The following ENPP6 variants were observed in gnomAD, a reference collection of about 807,000 sequenced individuals.
ENPP6 encodes the protein glycerophosphocholine cholinephosphodiesterase ENPP6.
Under a neutral mutation model 42.0 loss-of-function variants are expected in ENPP6, and 32 were observed. The ratio of observed to expected loss-of-function variants is 0.76; its 90% confidence interval spans 0.58 to 1.02. The LOEUF (loss-of-function observed/expected upper bound fraction) is 1.02, where lower values mean the gene tolerates loss of function less well. Ranked by LOEUF, ENPP6 falls within the 50% of genes least tolerant of loss-of-function variation. ENPP6 has a pLI of 0.00. For synonymous variants in ENPP6, 213 were observed against 216.0 expected, an observed-to-expected ratio of 0.99 and a Z score of 0.12; for missense variants, 552 against 566.8, an observed-to-expected ratio of 0.97 and a Z score of 0.27.
chr4:184,146,023 CT>C lies in ENPP6; in HGVS notation c.421+7530del, dbSNP rs70959175. ...TCTGTGATTTTAAGTTTTTCTTTTT[CT>C]TTTTTTTTTTTTTGGTTTAGTTTGT... On this transcript the variant is annotated intron_variant, in intron 2 of 7. Coordinates refer to ENST00000296741, the MANE Select transcript of ENPP6 (RefSeq NM_153343.4). Among the ~76,000 whole-genome samples, 980 of 141,894 alleles carry C rather than the reference CT, an allele frequency of 6.9e-3. 7 individuals carry two copies. Among genetic ancestry groups the C allele is most frequent in the African/African-American group, 0.02 (758 of 38,422 alleles). 93.1% of individuals were successfully genotyped at this position (141,894 alleles called of 152,430 possible).
intron 1 of ENPP6, among the ~76,000 whole-genome samples, chr4:184,164,060 G>A (rs868481786): frequency 1.1e-4 from 16 of 152,208 alleles, no homozygotes; most frequent in Non-Finnish European, 1.8e-4. Context: ...GGCTGTGGGC[G>A]TCCTGTTCGC....
intron 3 of ENPP6, among the ~76,000 whole-genome samples, chr4:184,120,682 A>T (rs1191459354): frequency 6.6e-6 from 1 of 152,226 alleles, no homozygotes; most frequent in African/African-American, 2.4e-5. Context: ...TCAGCCAGGA[A>T]AAAGGGCCGT....
chr4:184,105,498 C>T (rs930651483), intron 6 of ENPP6, among the ~76,000 whole-genome samples: 1 of 152,162 alleles, frequency 6.6e-6, no homozygotes, highest in Non-Finnish European at 1.5e-5. Flanking sequence ...CATGGCTAGA[C>T]TTGAATTCAA....
intron 1 of ENPP6, among the ~76,000 whole-genome samples, chr4:184,190,062 G>A (rs998767033): frequency 5.3e-5 from 8 of 152,286 alleles, no homozygotes; most frequent in Non-Finnish European, 1.0e-4. Flanking sequence ...AAACCACCTG[G>A]AAGCAGGGGT....
Position 184,195,606 on chromosome 4 carries a change from GC to G in ENPP6, c.241+21972del, listed in dbSNP as rs1286592653. On this transcript the variant is annotated intron_variant, in intron 1 of 7. Transcript: ENST00000296741. ...CTAACTCCCATTCCCCGTCCCCACA[GC>G]CCCTGGCAACTCGCCTTCTACGCTC... Among the ~76,000 whole-genome samples, 6 of 152,244 alleles carry G rather than the reference GC, an allele frequency of 3.9e-5. No individual in the cohort carries two copies. In the East Asian group the frequency reaches 1.2e-3, roughly 29 times the overall value.
At chr4:184,110,725 A>T (rs1334501643) in intron 6 of ENPP6, among the ~76,000 whole-genome samples, 2 of 152,348 alleles carry the variant, frequency 1.3e-5, no homozygotes, top group East Asian at 3.9e-4. Flanking sequence ...TTGGGGCATG[A>T]TATAATTGAG....
intron 1 of ENPP6, among the ~76,000 whole-genome samples, chr4:184,214,936 C>G (rs991062875): frequency 6.6e-6 from 1 of 152,166 alleles, no homozygotes; most frequent in African/African-American, 2.4e-5. Context: ...CACCATGGCA[C>G]ATGTATGCCT....
chr4:184,141,519 C>T (rs1404058064), intron 2 of ENPP6, among the ~76,000 whole-genome samples: 1 of 152,216 alleles, frequency 6.6e-6, no homozygotes, highest in Non-Finnish European at 1.5e-5. Flanking sequence ...TTCATGACAA[C>T]TTTGAGGGCG....
At chr4:184,149,534 G>A in intron 2 of ENPP6, among the ~76,000 whole-genome samples, 1 of 152,130 alleles carries the variant, frequency 6.6e-6, no homozygotes, top group East Asian at 1.9e-4. Flanking sequence ...GTGTCTTATT[G>A]GTCTGAAGGC....
chr4:184,193,974 C>T (rs1157414242), intron 1 of ENPP6, among the ~76,000 whole-genome samples: 2 of 152,168 alleles, frequency 1.3e-5, no homozygotes, highest in African/African-American at 2.4e-5. Flanking sequence ...TTTGGCCTTG[C>T]TGAGATCCTA....
In ENPP6 at chr4:184,089,371, A is replaced by G. The variant is rs142382368; in HGVS notation, c.*1806T>C. ...TTCAGTTTTCAAGGTAACACACCAT[A>G]TAAGGCCTCCATCGTCCTGAGGAGA... On this transcript the variant is annotated 3_prime_UTR_variant, in exon 8 of 8. Coordinates refer to ENST00000296741, the MANE Select transcript of ENPP6 (RefSeq NM_153343.4). 1 of 152,204 alleles carries G rather than the reference A, an allele frequency of 6.6e-6. No individual in the cohort carries two copies. The highest frequency in any genetic ancestry group is 2.4e-5 in the African/African-American group (1 of 41,454). 9.4% of individuals were successfully genotyped at this position (152,204 alleles called of 1,614,324 possible).
At chr4:184,194,422 C>A in intron 1 of ENPP6, among the ~76,000 whole-genome samples, 1 of 152,230 alleles carries the variant, frequency 6.6e-6, no homozygotes, top group East Asian at 1.9e-4. Flanking sequence ...GGAAAGAAAG[C>A]CACATGCCTT....
intron 7 of ENPP6, among the ~76,000 whole-genome samples, chr4:184,094,864 C>T (rs2111327185): frequency 6.6e-6 from 1 of 152,356 alleles, no homozygotes; most frequent in East Asian, 1.9e-4. Context: ...GTGAGGCTCT[C>T]CTGCAGAATT....
At chr4:184,147,282 T>A (rs1381764032) in intron 2 of ENPP6, among the ~76,000 whole-genome samples, 1 of 152,118 alleles carries the variant, frequency 6.6e-6, no homozygotes, top group Non-Finnish European at 1.5e-5. Context: ...TCTCACCACC[T>A]CTGTTGCCCA....
chr4:184,207,099 A>G (rs182201790), intron 1 of ENPP6, among the ~76,000 whole-genome samples: 74 of 152,366 alleles, frequency 4.9e-4, no homozygotes, highest in Admixed American at 1.7e-3. Context: ...GCCTGAAACA[A>G]AACATTGAAT....
In ENPP6 at chr4:184,217,648, C is replaced by T; in HGVS notation, c.172G>A (p.Val58Ile). The change falls in exon 1 of 8, where the codon GTA becomes ATA. Residue 58 changes from valine (V) to isoleucine (I), a missense_variant. Around this residue, in one of 2 missense-constraint regions of ENPP6, gnomAD observed 545 missense variants for 546.3 expected, o/e 1.00. Coordinates refer to ENST00000296741, the MANE Select transcript of ENPP6 (RefSeq NM_153343.4). ...PGFKEIVSRG[V>I]KVDYLTPDFP... ...TCTGGAGTCAAGTAATCCACTTTTA[C>T]TCCCCTGCTCACAATCTCTTTGAAA... The T allele has an allele frequency of 1.2e-6, 2 of 1,614,224 alleles. No homozygotes were observed. Among genetic ancestry groups the T allele is most frequent in the Non-Finnish European group, 1.7e-6 (2 of 1,180,038 alleles).
At chr4:184,193,095 A>T (rs1732731573) in intron 1 of ENPP6, among the ~76,000 whole-genome samples, 1 of 152,222 alleles carries the variant, frequency 6.6e-6, no homozygotes, top group Non-Finnish European at 1.5e-5. Context: ...AAAATGTTAA[A>T]CACAGAATTA....
chr4:184,112,643 G>A (rs1249701883), intron 6 of ENPP6, 29 bp downstream of exon 6: 8 of 1,605,534 alleles, frequency 5.0e-6, no homozygotes, highest in African/African-American at 1.3e-5. Context: ...TTTGCATAGA[G>A]AATAAATTGG....
intron 2 of ENPP6, among the ~76,000 whole-genome samples, chr4:184,140,560 G>C (rs1470390103): frequency 1.6e-5 from 2 of 127,878 alleles, no homozygotes; most frequent in Non-Finnish European, 3.3e-5. Context: ...CAATGGAACA[G>C]AACAGAGCCC....
Sources: allele counts gnomAD v4.1 joint callset (sites outside exome capture counted in the v4.1 genomes callset), GRCh38; gene constraint gnomAD v4.1.1; regional missense constraint gnomAD v4.1.1; transcripts MANE v1.5; gene names NCBI Gene and HGNC (gene_info 2026-07-23, HGNC 2026-07-21).